Variants in CPPED1 observed in about 807,000 individuals in gnomAD.
The protein encoded by CPPED1 is serine/threonine-protein phosphatase CPPED1.
CPPED1 carries 28 observed loss-of-function variants against 28.0 expected under a neutral mutation model. The ratio of observed to expected loss-of-function variants is 1.00; its 90% confidence interval spans 0.74 to 1.37. CPPED1 has a LOEUF of 1.37. Ranked by LOEUF, CPPED1 falls within the 40% of genes most tolerant of loss-of-function variation. The pLI is 0.00. For missense variants in CPPED1, 504 were observed against 416.5 expected, an observed-to-expected ratio of 1.21 and a Z score of -1.83; for synonymous variants, 198 against 180.2, an observed-to-expected ratio of 1.10 and a Z score of -0.79.
rs1204654868 is a variant in CPPED1, at chr16:12,682,652, G to A, written c.716-17537C>T. Among the ~76,000 whole-genome samples, 1 of 152,214 alleles carries A rather than the reference G, an allele frequency of 6.6e-6. No homozygotes were observed. Among genetic ancestry groups the A allele is most frequent in the Non-Finnish European group, 1.5e-5 (1 of 68,038 alleles). On this transcript the variant is annotated intron_variant, in intron 3 of 3. Transcript: ENST00000381774. The surrounding 1 kb of genome is among the most constrained non-coding windows in gnomAD (Gnocchi z 6.1). Reference sequence around the variant, plus strand: ...CCACTGGGAAGATAAGTGAGAATCAGGGACACGCCCTGGGTGGCACAGCAG... The same window carrying A: ...CCACTGGGAAGATAAGTGAGAATCAAGGACACGCCCTGGGTGGCACAGCAG...
chr16:12,763,088 C>T (rs1263797927), intron 2 of CPPED1, among the ~76,000 whole-genome samples: 1 of 151,462 alleles, frequency 6.6e-6, no homozygotes, highest in Non-Finnish European at 1.5e-5. Flanking sequence ...AAAAATTAGC[C>T]GGGTGTGGTG....
rs140545641 is a variant in CPPED1, at chr16:12,732,878, C to G, written c.290-27829G>C. Among the ~76,000 whole-genome samples, 1,072 of 152,196 alleles carry G rather than the reference C, an allele frequency of 7.0e-3. 15 individuals carry two copies. The highest frequency in any genetic ancestry group is 0.024 in the African/African-American group (1,012 of 41,524). On this transcript the variant is annotated intron_variant, in intron 2 of 3. Transcript: ENST00000381774. ...TCCAGAAGCTACTGGACAATAGGATCCATCTAAAAAGGAGGCAAAGGTAGA... is the reference window on the plus strand; with the variant it reads ...TCCAGAAGCTACTGGACAATAGGATGCATCTAAAAAGGAGGCAAAGGTAGA...
chr16:12,696,711 G>A (rs977963535), intron 3 of CPPED1, among the ~76,000 whole-genome samples: 30 of 152,032 alleles, frequency 2.0e-4, no homozygotes, highest in African/African-American at 6.3e-4. Context: ...CCAAAGTGCT[G>A]GGATTACAGG....
Position 12,691,910 on chromosome 16 carries a change from G to A in CPPED1, c.715+12714C>T, listed in dbSNP as rs569159085. ...GCACACCAACATGGCACATGTATAC[G>A]TATGTAACAAACCTGCACATTGTTC... On this transcript the variant is annotated intron_variant, in intron 3 of 3. Coordinates refer to ENST00000381774, the MANE Select transcript of CPPED1 (RefSeq NM_018340.3). Among the ~76,000 whole-genome samples the A allele has an allele frequency of 3.7e-3, 555 of 150,784 alleles. 3 individuals are homozygous for A. The highest frequency in any genetic ancestry group is 0.013 in the African/African-American group (527 of 40,554).
chr16:12,692,654 A>G (rs2079969701), intron 3 of CPPED1, among the ~76,000 whole-genome samples: 1 of 152,208 alleles, frequency 6.6e-6, no homozygotes, highest in South Asian at 2.1e-4. Context: ...GAGGTTTGCC[A>G]CACCATGGGA....
At chr16:12,687,458 A>G (rs1381018377) in intron 3 of CPPED1, among the ~76,000 whole-genome samples, 1 of 152,152 alleles carries the variant, frequency 6.6e-6, no homozygotes, top group Non-Finnish European at 1.5e-5. Flanking sequence ...ATTTGGCCAT[A>G]GTGTCAGTGA....
chr16:12,688,326 C>T (rs1291410908), intron 3 of CPPED1, among the ~76,000 whole-genome samples: 1 of 145,740 alleles, frequency 6.9e-6, no homozygotes, highest in Non-Finnish European at 1.5e-5. Flanking sequence ...AATCCTACTC[C>T]AGGATTTTTT....
At chr16:12,735,663 G>C (rs2080223191) in intron 2 of CPPED1, among the ~76,000 whole-genome samples, 1 of 152,144 alleles carries the variant, frequency 6.6e-6, no homozygotes, top group South Asian at 2.1e-4. Flanking sequence ...CTGCTTCATA[G>C]GATTGTTATG....
chr16:12,740,025 G>GAAAGA (rs143957219), intron 2 of CPPED1, among the ~76,000 whole-genome samples: 4,541 of 128,600 alleles, frequency 0.035, 217 homozygotes, highest in African/African-American at 0.12. Flanking sequence ...AAAGACGAAA[G>GAAAGA]AAAGAAAAGA....
At chr16:12,695,747 T>C (rs2079986571) in intron 3 of CPPED1, among the ~76,000 whole-genome samples, 1 of 152,228 alleles carries the variant, frequency 6.6e-6, no homozygotes, top group Non-Finnish European at 1.5e-5. Flanking sequence ...CTGGCTGTTT[T>C]TGTACCTCAC....
chr16:12,700,053 C>T (rs571964353), intron 3 of CPPED1, among the ~76,000 whole-genome samples: 8 of 152,276 alleles, frequency 5.3e-5, no homozygotes, highest in East Asian at 1.9e-4. Flanking sequence ...CCTCCACATC[C>T]GACTCATATT....
chr16:12,773,888 A>G (rs2080483332), intron 2 of CPPED1, among the ~76,000 whole-genome samples: 1 of 152,156 alleles, frequency 6.6e-6, no homozygotes, highest in Admixed American at 6.6e-5. Flanking sequence ...ATTCACACCT[A>G]AGTACTTAAC....
intron 3 of CPPED1, among the ~76,000 whole-genome samples, chr16:12,685,872 A>C (rs1001421594): frequency 6.6e-6 from 1 of 152,234 alleles, no homozygotes; most frequent in Non-Finnish European, 1.5e-5. Flanking sequence ...TTCTTTTAAA[A>C]AGTCCCCCTT....
chr16:12,781,452 T>G, intron 1 of CPPED1, 49 bp from the exon 2 acceptor site: 2 of 1,554,344 alleles, frequency 1.3e-6, no homozygotes, highest in South Asian at 2.3e-5. Flanking sequence ...GTAAAATCTG[T>G]CATAAAAGCA....
intron 1 of CPPED1, among the ~76,000 whole-genome samples, chr16:12,783,597 G>A (rs12447407): frequency 0.01 from 1,573 of 152,060 alleles, 20 homozygotes; most frequent in Admixed American, 0.016. Flanking sequence ...GGCAAGTAAG[G>A]GCCAGTGATA....
chr16:12,734,649 G>C (rs988493933), intron 2 of CPPED1, among the ~76,000 whole-genome samples: 7 of 152,162 alleles, frequency 4.6e-5, no homozygotes, highest in African/African-American at 1.2e-4. Context: ...AAAGTGCTGG[G>C]AATAATTTTT....
chr16:12,705,068 C>A lies in CPPED1; in HGVS notation c.290-19G>T. The A allele has an allele frequency of 6.3e-7, 1 of 1,585,964 alleles. No individual in the cohort carries two copies. Among genetic ancestry groups the A allele is most frequent in the Non-Finnish European group, 8.6e-7 (1 of 1,164,392 alleles). ...GGCTTCCCTGGAAGAGTGAGGGTCACGTCCTGAGAAAGCCAGGGGCTTATT... is the reference window on the plus strand; with the variant it reads ...GGCTTCCCTGGAAGAGTGAGGGTCAAGTCCTGAGAAAGCCAGGGGCTTATT... On this transcript the variant is annotated intron_variant, in intron 2 of 3. Coordinates refer to ENST00000381774, the MANE Select transcript of CPPED1 (RefSeq NM_018340.3).
At chr16:12,718,755 G>C (rs943848330) in intron 2 of CPPED1, among the ~76,000 whole-genome samples, 19 of 152,074 alleles carry the variant, frequency 1.2e-4, no homozygotes, top group African/African-American at 4.6e-4. Context: ...TTGAGGTCAG[G>C]AGTTCAAGAC....
Position 12,663,804 on chromosome 16 carries a change from G to C in CPPED1, c.*1082C>G, listed in dbSNP as rs1415693853. The C allele has an allele frequency of 6.6e-6, 1 of 152,170 alleles. No individual in the cohort carries two copies. Among genetic ancestry groups the C allele is most frequent in the African/African-American group, 2.4e-5 (1 of 41,444 alleles). 9.4% of individuals were successfully genotyped at this position (152,170 alleles called of 1,614,324 possible). A position where few individuals can be genotyped will look rare whatever the true frequency, so the allele number is the denominator to read the frequency against. ...AGGTTATTTGTCCACCAGAACAATG[G>C]CTGTAAAGGAGAAAATTGAGCAGTG... On this transcript the variant is annotated 3_prime_UTR_variant, in exon 4 of 4. Coordinates refer to ENST00000381774, the MANE Select transcript of CPPED1 (RefSeq NM_018340.3).
Sources: gnomAD v4.1 joint callset for allele counts (sites outside exome capture counted in the v4.1 genomes callset) on GRCh38, gnomAD v4.1.1 for gene constraint, Gnocchi (gnomAD v3.1) non-coding constraint, MANE v1.5 for transcripts, NCBI Gene and HGNC (gene_info 2026-07-23, HGNC 2026-07-21) for gene names.